MYO1F: variants seen among roughly 807,000 people sequenced by gnomAD.
The protein encoded by MYO1F is myosin IF.
In MYO1F, 60 loss-of-function variants were observed where a neutral mutation model predicts 146.6. The ratio of observed to expected loss-of-function variants is 0.41; its 90% CI spans 0.33 to 0.51. MYO1F has a LOEUF of 0.51. MYO1F is among the 20% of genes least tolerant of loss of function. The pLI, the probability that MYO1F is intolerant of heterozygous loss-of-function variation, is 0.25. For missense variants in MYO1F, 1,274 were observed against 1,534.3 expected (o/e 0.83, Z 2.83); for synonymous variants, 602 against 602.1 (o/e 1.00, Z 0.00).
Position 8,538,140 on chromosome 19 carries a change from A to G in MYO1F, c.1693-1085T>C, listed in dbSNP as rs189341272. Among the ~76,000 whole-genome samples, 5 of 148,572 alleles carry G rather than the reference A, an allele frequency of 3.4e-5. No homozygotes were observed. The South Asian group carries it at 6.4e-4, about 19-fold the overall frequency. ...CCAGCTCCTTTTTTTTTATATATATATTTTTAGTAGAGACGGGGTTTCACC... is the reference window on the plus strand; with the variant it reads ...CCAGCTCCTTTTTTTTTATATATATGTTTTTAGTAGAGACGGGGTTTCACC... On this transcript the variant is annotated intron_variant, in intron 16 of 27. Coordinates refer to ENST00000644032, the MANE Select transcript of MYO1F (RefSeq NM_012335.4).
Position 8,550,331 on chromosome 19 carries a change from C to T in MYO1F, c.930G>A (p.Leu310=), listed in dbSNP as rs773317442. The change falls in exon 10 of 28, where the codon CTG becomes CTA. Residue 310 remains leucine (L), a synonymous_variant. Coordinates refer to ENST00000644032, the MANE Select transcript of MYO1F (RefSeq NM_012335.4). The part of the protein sequence containing the change: ...VDLLAFPAYL[L]GIDSGRLQEK... ...CCTGCAGTCGCCCGCTGTCAATGCC[C>T]AGCAGGTAGGCGGGAAAGGCCAGGA... 4.2e-5 allele frequency: 68 copies of T among 1,613,314 alleles called. No homozygotes were observed. The Middle Eastern group carries it at 1.6e-3, about 39-fold the overall frequency.
At chr19:8,532,011 G>A (rs1194393443) in intron 19 of MYO1F, among the ~76,000 whole-genome samples, 1 of 152,016 alleles carries the variant, frequency 6.6e-6, no homozygotes, top group Non-Finnish European at 1.5e-5. Context: ...CCAGCTACTC[G>A]GGAGGCTGAG....
Position 8,550,153 on chromosome 19 carries a change from C to G in MYO1F, c.1101+7G>C, listed in dbSNP as rs1402352902. ...CCACTCTGCCTTCCAGCCCCAGCCC[C>G]ACTCGCCTCCACGAGGAAGTCGAAG... On this transcript the variant is annotated splice_region_variant and intron_variant, in intron 10 of 27. Transcript: ENST00000644032. 6.2e-7 allele frequency: 1 copy of G among 1,613,648 alleles called. No individual in the cohort carries two copies. The highest frequency in any genetic ancestry group is 8.5e-7 in the Non-Finnish European group (1 of 1,180,032).
intron 1 of MYO1F, among the ~76,000 whole-genome samples, chr19:8,557,580 G>T (rs1973912468): frequency 6.6e-6 from 1 of 152,168 alleles, no homozygotes; most frequent in African/African-American, 2.4e-5. Context: ...GGGATTATAG[G>T]CGTAAGCTAC....
chr19:8,562,820 C>G (rs1218078137), intron 1 of MYO1F, among the ~76,000 whole-genome samples: 1 of 152,112 alleles, frequency 6.6e-6, no homozygotes. Context: ...AGGCATGAGC[C>G]ATGGTGCCTG....
At chr19:8,550,737 C>A in intron 8 of MYO1F, 43 bp from the exon 9 acceptor site, 3 of 1,612,482 alleles carry the variant, frequency 1.9e-6, no homozygotes, top group Non-Finnish European at 2.5e-6. Context: ...GAATCCTGGC[C>A]TCCAACCTGC....
At chr19:8,554,774 CT>C in intron 2 of MYO1F, 31 bp from the exon 3 acceptor site, 1 of 1,606,644 alleles carries the variant, frequency 6.2e-7, no homozygotes, top group Non-Finnish European at 8.5e-7. Flanking sequence ...GTGTGGTGTC[CT>C]GGTAGGTTTT....
Position 8,561,034 on chromosome 19 carries a change from G to A in MYO1F, c.4-5238C>T, listed in dbSNP as rs576408954. ...TTATAGGTGTGAGCCACTGCGCCTG[G>A]CCACGCCTGGCTAATTTTTAAATAT... On this transcript the variant is annotated intron_variant, in intron 1 of 27. Coordinates refer to ENST00000644032, the MANE Select transcript of MYO1F (RefSeq NM_012335.4). Among the ~76,000 whole-genome samples, 9 of 149,632 alleles carry A rather than the reference G, an allele frequency of 6.0e-5. No individual in the cohort carries two copies. The South Asian group carries it at 8.6e-4, about 14-fold the overall frequency.
intron 16 of MYO1F, among the ~76,000 whole-genome samples, chr19:8,537,304 C>G (rs757673469): frequency 2.0e-5 from 3 of 152,162 alleles, no homozygotes; most frequent in Non-Finnish European, 4.4e-5. Flanking sequence ...CTCACGTCTA[C>G]CGCACTCACC....
chr19:8,523,504 T>G lies in MYO1F; in HGVS notation c.2855-675A>C, dbSNP rs182822856. 2.7e-3 allele frequency among the ~76,000 whole-genome samples: 418 copies of G among 152,042 alleles called. 4 individuals are homozygous for G. Among genetic ancestry groups the G allele is most frequent in the African/African-American group, 9.1e-3 (379 of 41,476 alleles). On this transcript the variant is annotated intron_variant, in intron 25 of 27. Transcript: ENST00000644032. ...CTGGGACTACAGGTATGCTCCACTA[T>G]GCCCAGTTGATTTTTATAATTTTTA... is the stretch of plus-strand genomic sequence containing the variant.
chr19:8,561,314 C>G (rs1015418062), intron 1 of MYO1F, among the ~76,000 whole-genome samples: 1 of 151,640 alleles, frequency 6.6e-6, no homozygotes, highest in Non-Finnish European at 1.5e-5. Context: ...GGCTTCAACC[C>G]CTCACACTGC....
chr19:8,542,099 TG>T lies in MYO1F; in HGVS notation c.1525-109del, dbSNP rs2145874630. 16 of 816,302 alleles carry T rather than the reference TG, an allele frequency of 2.0e-5. No homozygotes were observed. In the South Asian group the frequency reaches 2.1e-4, roughly 11 times the overall value. The allele number at this position is 816,302 out of a possible 1,614,324, so 50.6% of individuals were successfully genotyped here. On this transcript the variant is annotated intron_variant, in intron 14 of 27. Coordinates refer to ENST00000644032, the MANE Select transcript of MYO1F (RefSeq NM_012335.4). Reference sequence around the variant, plus strand: ...GTCAAGGCTTTCCTGGGGCCTGCTGTGGGGTGAGAGGATCAGGCAGTGTCTA... The same window carrying T: ...GTCAAGGCTTTCCTGGGGCCTGCTGTGGGTGAGAGGATCAGGCAGTGTCTA...
chr19:8,527,910 G>A (rs1444317760), intron 21 of MYO1F, among the ~76,000 whole-genome samples: 1 of 152,188 alleles, frequency 6.6e-6, no homozygotes, highest in African/African-American at 2.4e-5. Context: ...ACCACGCCTG[G>A]CCATGAGTTG....
At chr19:8,544,037 G>GGTGGCGGTGGCGGTGGCGGTGGCA in intron 14 of MYO1F, 1 of 539,340 alleles carries the variant, frequency 1.9e-6, no homozygotes, top group Non-Finnish European at 3.3e-6. Context: ...TGGCGGTGGC[G>GGTGGCGGTGGCGGTGGCGGTGGCA]GTGCTGGTGG....
intron 16 of MYO1F, among the ~76,000 whole-genome samples, chr19:8,537,733 T>G (rs1253729096): frequency 1.3e-5 from 2 of 152,070 alleles, no homozygotes; most frequent in African/African-American, 4.8e-5. Flanking sequence ...TATACCTGGC[T>G]GGGTGATTTT....
intron 21 of MYO1F, 34 bp from the exon 22 acceptor site, chr19:8,527,517 TAGCCTGGCC>T: frequency 1.2e-6 from 2 of 1,610,482 alleles, no homozygotes; most frequent in East Asian, 2.2e-5. Flanking sequence ...CTGATGCCTG[TAGCCTGGCC>T]AGCCTGGCCA....
intron 1 of MYO1F, among the ~76,000 whole-genome samples, chr19:8,563,307 T>C (rs918166267): frequency 2.0e-5 from 3 of 147,618 alleles, no homozygotes; most frequent in Non-Finnish European, 3.0e-5. Flanking sequence ...TTTTTTTTTT[T>C]TTTTTTTTGA....
At position 8,550,584 on chromosome 19, in the gene MYO1F, G is replaced by A. The variant is rs762642727; in HGVS notation, c.882C>T (p.Tyr294=). 8 of 1,614,120 alleles carry A rather than the reference G, an allele frequency of 5.0e-6. No homozygotes were observed. The highest frequency in any genetic ancestry group is 1.7e-5 in the Admixed American group (1 of 60,008). The stretch of plus-strand genomic sequence containing the variant: ...CACGGTCCACACTCTCCACTCGGGC[G>A]TAATTCCCGTCTTCACAGAAACTGA... ...GNISFCEDGN[Y]ARVESVDLLA... The change falls in exon 9 of 28, where the codon TAC becomes TAT. Residue 294 remains tyrosine, a synonymous_variant. Transcript: ENST00000644032.
intron 1 of MYO1F, among the ~76,000 whole-genome samples, chr19:8,561,311 AC>A: frequency 6.6e-6 from 1 of 150,630 alleles, no homozygotes; most frequent in East Asian, 2.0e-4. Context: ...CAGGGCTTCA[AC>A]CCCTCACACT....
Sources: gnomAD v4.1 joint callset for allele counts (sites outside exome capture counted in the v4.1 genomes callset) on GRCh38, gnomAD v4.1.1 for gene constraint, MANE v1.5 for transcripts, NCBI Gene and HGNC (gene_info 2026-07-23, HGNC 2026-07-21) for gene names.